TPST1: variants seen among roughly 807,000 people sequenced by gnomAD.
The protein encoded by TPST1 is tyrosylprotein sulfotransferase 1, also known as protein-tyrosine sulfotransferase 1.
In TPST1, 20 loss-of-function variants were observed where a neutral mutation model predicts 34.8. The ratio of observed to expected loss-of-function variants is 0.57; its 90% CI spans 0.40 to 0.84. TPST1 has a LOEUF of 0.84. Among genes scored for constraint, TPST1 ranks in the 40% least tolerant of loss-of-function variants. The pLI is 0.00. For synonymous variants in TPST1, 152 were observed against 159.4 expected (o/e 0.95, Z 0.35); for missense variants, 353 against 455.5 (o/e 0.78, Z 2.05).
intron 3 of TPST1, among the ~76,000 whole-genome samples, chr7:66,328,011 C>CTTTTTTTTTTTTTTTTTTTTTTTTT (rs35582736): frequency 2.5e-5 from 1 of 39,486 alleles, no homozygotes; most frequent in African/African-American, 1.1e-4. Context: ...TTTTCCTTTC[C>CTTTTTTTTTTTTTTTTTTTTTTTTT]TTTTTTTTTT....
chr7:66,276,382 G>GTATATATATA (rs1790814461), intron 2 of TPST1, among the ~76,000 whole-genome samples: 1 of 51,762 alleles, frequency 1.9e-5, no homozygotes, highest in Non-Finnish European at 3.9e-5. Flanking sequence ...ATATATATAT[G>GTATATATATA]TATTTTTTTG....
chr7:66,232,193 TA>T lies in TPST1; in HGVS notation c.-101-8124del, dbSNP rs369843074. Among the ~76,000 whole-genome samples the T allele has an allele frequency of 8.2e-3, 1,135 of 139,160 alleles. 114 individuals are homozygous for T. The highest frequency in any genetic ancestry group is 0.014 in the African/African-American group (515 of 36,842). 91.3% of individuals were successfully genotyped at this position (139,160 alleles called of 152,430 possible). ...TTTTTTAATTTATTTTGTTTCTTAT[TA>T]AAAAAAATTTTTTTTTTTTTTTTTT... On this transcript the variant is annotated intron_variant, in intron 1 of 5. Coordinates refer to ENST00000304842, the MANE Select transcript of TPST1 (RefSeq NM_003596.4).
intron 2 of TPST1, among the ~76,000 whole-genome samples, chr7:66,255,529 A>C (rs11769702): frequency 0.21 from 31,188 of 152,124 alleles, 3,681 homozygotes; most frequent in East Asian, 0.3. Flanking sequence ...CTTCTGCTGA[A>C]TTATTTTAAA....
intron 3 of TPST1, among the ~76,000 whole-genome samples, chr7:66,334,861 C>G (rs1792064315): frequency 6.6e-6 from 1 of 152,084 alleles, no homozygotes; most frequent in Non-Finnish European, 1.5e-5. Context: ...GGTGTGTATT[C>G]AGTCTCCTCA....
chr7:66,208,437 A>T (rs1789176005), intron 1 of TPST1, among the ~76,000 whole-genome samples: 1 of 151,212 alleles, frequency 6.6e-6, no homozygotes, highest in African/African-American at 2.4e-5. Flanking sequence ...CACCCTGTAC[A>T]TACTTCCATC....
chr7:66,300,692 T>A (rs1791296609), intron 3 of TPST1, among the ~76,000 whole-genome samples: 1 of 152,156 alleles, frequency 6.6e-6, no homozygotes, highest in East Asian at 1.9e-4. Flanking sequence ...AAACCTGTAA[T>A]CCCAGCACTT....
At chr7:66,286,831 T>TGTTTTTTTC (rs1791050689) in intron 3 of TPST1, 122 bp downstream of exon 3, 1 of 562,566 alleles carries the variant, frequency 1.8e-6, no homozygotes, top group South Asian at 8.8e-5. Flanking sequence ...TTTTTTTTTT[T>TGTTTTTTTC]CATTTATTTT....
At chr7:66,252,555 G>A (rs539247217) in intron 2 of TPST1, among the ~76,000 whole-genome samples, 37 of 151,212 alleles carry the variant, frequency 2.4e-4, no homozygotes, top group African/African-American at 7.8e-4. Flanking sequence ...GGATGATCTC[G>A]ATCTCCTGAC....
chr7:66,259,302 T>C (rs1790438920), intron 2 of TPST1, among the ~76,000 whole-genome samples: 1 of 152,208 alleles, frequency 6.6e-6, no homozygotes, highest in Non-Finnish European at 1.5e-5. Context: ...CTCTAAGTTG[T>C]TGAATTTATG....
At chr7:66,311,524 T>G (rs1217772436) in intron 3 of TPST1, among the ~76,000 whole-genome samples, 3 of 152,198 alleles carry the variant, frequency 2.0e-5, no homozygotes, top group African/African-American at 7.2e-5. Flanking sequence ...GTAGCACATT[T>G]TACCATCTCT....
chr7:66,289,181 C>A (rs2115955608), intron 3 of TPST1, among the ~76,000 whole-genome samples: 1 of 57,868 alleles, frequency 1.7e-5, no homozygotes. Flanking sequence ...TATATTGAAC[C>A]AGCCTTGCAT....
In TPST1 at chr7:66,312,861, G is replaced by A. The variant is rs187048828; in HGVS notation, c.1044+26152G>A. ...AAAGAAAAAAATAGAGATTTAACTG[G>A]TGACTAATAGATGTCTGCAAAGGAG... On this transcript the variant is annotated intron_variant, in intron 3 of 5. Transcript: ENST00000304842. 3.9e-5 allele frequency among the ~76,000 whole-genome samples: 6 copies of A among 152,190 alleles called. No individual in the cohort carries two copies. The East Asian group carries it at 1.2e-3, about 29-fold the overall frequency.
rs182905706 is a variant in TPST1, at chr7:66,339,500, T to C, written c.1045-13005T>C. Among the ~76,000 whole-genome samples, 418 of 152,200 alleles carry C rather than the reference T, an allele frequency of 2.7e-3. 6 individuals are homozygous for C. Among genetic ancestry groups the C allele is most frequent in the African/African-American group, 8.7e-3 (360 of 41,528 alleles). On this transcript the variant is annotated intron_variant, in intron 3 of 5. Transcript: ENST00000304842. ...GGAAGAGAAGGGATTACTTCCCAAC[T>C]CATTCTACAAGGGCAACATTACCCT...
At position 66,313,961 on chromosome 7, in the gene TPST1, T is replaced by C. The variant is rs59983317; in HGVS notation, c.1044+27252T>C. 3.1e-3 allele frequency among the ~76,000 whole-genome samples: 477 copies of C among 152,344 alleles called. 2 individuals carry two copies. Among genetic ancestry groups the C allele is most frequent in the African/African-American group, 0.011 (459 of 41,570 alleles). On this transcript the variant is annotated intron_variant, in intron 3 of 5. Coordinates refer to ENST00000304842, the MANE Select transcript of TPST1 (RefSeq NM_003596.4). ...CTGTAACAGTTTCTCAGATGCTCTC[T>C]GTCTTCCATGATACTGATATTTTTT... is the stretch of plus-strand genomic sequence containing the variant.
At chr7:66,241,356 A>G in intron 2 of TPST1, 86 bp downstream of exon 2, 1 of 1,468,064 alleles carries the variant, frequency 6.8e-7, no homozygotes, top group Non-Finnish European at 9.1e-7. Context: ...TTATGTATAT[A>G]TGTGTGTATG....
chr7:66,255,035 T>G (rs1447286390), intron 2 of TPST1, among the ~76,000 whole-genome samples: 1 of 150,532 alleles, frequency 6.6e-6, no homozygotes, highest in Non-Finnish European at 1.5e-5. Context: ...TAGTCCCAGC[T>G]ACTCGGGAGG....
At chr7:66,245,507 AG>A (rs1272048438) in intron 2 of TPST1, among the ~76,000 whole-genome samples, 3 of 152,236 alleles carry the variant, frequency 2.0e-5, no homozygotes, top group Admixed American at 2.0e-4. Context: ...TTAGATATCA[AG>A]GGTAGGAGGT....
intron 3 of TPST1, among the ~76,000 whole-genome samples, chr7:66,345,489 C>CAAAAAAAAAAAAAAAAAAAAA (rs58837242): frequency 1.5e-5 from 1 of 64,862 alleles, no homozygotes; most frequent in Non-Finnish European, 2.7e-5. Flanking sequence ...ACTCCATCTC[C>CAAAAAAAAAAAAAAAAAAAAA]AAAAAAAAAA....
intron 3 of TPST1, among the ~76,000 whole-genome samples, chr7:66,324,831 C>G (rs1048274084): frequency 2.6e-5 from 3 of 113,422 alleles, no homozygotes; most frequent in Non-Finnish European, 3.7e-5. Flanking sequence ...AAAAAAAAAA[C>G]AAGACAAAAC....
Sources: gnomAD v4.1 joint callset for allele counts (sites outside exome capture counted in the v4.1 genomes callset) on GRCh38, gnomAD v4.1.1 for gene constraint, MANE v1.5 for transcripts, NCBI Gene and HGNC (gene_info 2026-07-23, HGNC 2026-07-21) for gene names.